The following HSF5 variants were observed in gnomAD, a reference collection of about 807,000 sequenced individuals.
HSF5 encodes the protein heat shock transcription factor 5.
HSF5 carries 5 observed loss-of-function variants against 50.8 expected under a neutral mutation model. That is an observed-to-expected ratio of 0.10 (90% CI 0.05 to 0.21). The LOEUF (loss-of-function observed/expected upper bound fraction) is 0.21. HSF5 is among the 10% of genes least tolerant of loss of function. HSF5 has a pLI of 1.00. For missense variants in HSF5, 564 were observed against 762.6 expected, an observed-to-expected ratio of 0.74 and a Z score of 3.07; for synonymous variants, 307 against 307.4, an observed-to-expected ratio of 1.00 and a Z score of 0.02.
chr17:58,488,304 G>A lies in HSF5; in HGVS notation c.-30C>T. On this transcript the variant is annotated 5_prime_UTR_variant, in exon 1 of 6. Coordinates refer to ENST00000323777, the MANE Select transcript of HSF5 (RefSeq NM_001080439.3). This position sits in a 1 kb window ranked among gnomAD's most constrained non-coding sequence, Gnocchi z 4.1. ...CCGCCGGGCCGGGGCCTCGCCCCCC[G>A]AGCCTAGCTCTCCCACACCGTTCTC... The A allele has an allele frequency of 1.4e-6, 2 of 1,446,994 alleles. No individual in the cohort carries two copies. The highest frequency in any genetic ancestry group is 1.5e-5 in the South Asian group (1 of 68,488). The allele number at this position is 1,446,994 out of a possible 1,614,324, so 89.6% of individuals were successfully genotyped here. A position where few individuals can be genotyped will look rare whatever the true frequency, so the allele number is the denominator to read the frequency against.
In HSF5 at chr17:58,466,953, G is replaced by A; in HGVS notation, c.952C>T (p.His318Tyr). 6.2e-7 allele frequency: 1 copy of A among 1,610,920 alleles called. No homozygotes were observed. The highest frequency in any genetic ancestry group is 8.5e-7 in the Non-Finnish European group (1 of 1,177,226). The change falls in exon 3 of 6, where the codon CAC becomes TAC. Residue 318 changes from histidine (H) to tyrosine (Y), a missense_variant. Physicochemically the swap from His to Tyr is moderately conservative, Grantham distance 83. This residue lies in a region of HSF5 where 441 missense variants were observed against 533.6 expected (regional missense o/e 0.83). Coordinates refer to ENST00000323777, the MANE Select transcript of HSF5 (RefSeq NM_001080439.3). Reference sequence around the variant, plus strand: ...ACACAACTACTTAGAGCATCCATGTGGGTAGGAGAACAGCACTGTAGCACA... The same window carrying A: ...ACACAACTACTTAGAGCATCCATGTAGGTAGGAGAACAGCACTGTAGCACA... ...TAVLQCCSPTHMDALSSCVTP... is the reference protein window; with the variant it reads ...TAVLQCCSPTYMDALSSCVTP...
chr17:58,468,383 G>A (rs1431689590), intron 2 of HSF5, among the ~76,000 whole-genome samples: 1 of 152,112 alleles, frequency 6.6e-6, no homozygotes, highest in Non-Finnish European at 1.5e-5. Context: ...GGGTGACAGA[G>A]TAAGACTCTA....
At chr17:58,442,597 T>C (rs1449312428) in intron 5 of HSF5, among the ~76,000 whole-genome samples, 1 of 152,238 alleles carries the variant, frequency 6.6e-6, no homozygotes, top group African/African-American at 2.4e-5. Flanking sequence ...TAAATGGTCA[T>C]AGTTTTTCTC....
intron 5 of HSF5, among the ~76,000 whole-genome samples, chr17:58,437,588 A>G (rs1004277081): frequency 1.2e-4 from 18 of 152,172 alleles, no homozygotes; most frequent in African/African-American, 4.3e-4. Context: ...TATCAGCTAT[A>G]TCGTATATCT....
intron 1 of HSF5, 35 bp downstream of exon 1, chr17:58,487,690 C>A: frequency 7.3e-7 from 1 of 1,368,418 alleles, no homozygotes; most frequent in Non-Finnish European, 9.4e-7. Context: ...CCCATGTGCC[C>A]ACTGTGGGCG....
chr17:58,460,086 C>T (rs1168337948), intron 4 of HSF5, among the ~76,000 whole-genome samples: 4 of 152,088 alleles, frequency 2.6e-5, no homozygotes, highest in African/African-American at 4.8e-5. Flanking sequence ...GGTGTGATCA[C>T]GGCTCACTAC....
intron 1 of HSF5, 68 bp downstream of exon 1, chr17:58,487,657 C>T: frequency 7.4e-7 from 1 of 1,349,896 alleles, no homozygotes; most frequent in Non-Finnish European, 9.4e-7. Flanking sequence ...AATGCGCCCT[C>T]CAGCGGCGGT....
chr17:58,458,156 T>C (rs1974738455), intron 5 of HSF5, among the ~76,000 whole-genome samples: 1 of 152,234 alleles, frequency 6.6e-6, no homozygotes, highest in South Asian at 2.1e-4. Context: ...TTGGATGATA[T>C]GAGACACATG....
At chr17:58,453,486 C>G (rs1974667341) in intron 5 of HSF5, among the ~76,000 whole-genome samples, 1 of 151,480 alleles carries the variant, frequency 6.6e-6, no homozygotes, top group African/African-American at 2.4e-5. Flanking sequence ...CCCTGCTACT[C>G]AGGAGGCTGA....
intron 2 of HSF5, among the ~76,000 whole-genome samples, chr17:58,470,731 GC>G (rs1432300482): frequency 2.6e-5 from 4 of 152,124 alleles, no homozygotes; most frequent in Admixed American, 2.6e-4. Context: ...TTCGAGACCA[GC>G]CTTACCAACA....
intron 5 of HSF5, among the ~76,000 whole-genome samples, chr17:58,455,008 C>G (rs1974690241): frequency 6.6e-6 from 1 of 152,062 alleles, no homozygotes; most frequent in Non-Finnish European, 1.5e-5. Context: ...CAAAAGACCC[C>G]AGACAGCCAA....
chr17:58,470,729 C>A (rs1345368765), intron 2 of HSF5, among the ~76,000 whole-genome samples: 1 of 152,122 alleles, frequency 6.6e-6, no homozygotes, highest in African/African-American at 2.4e-5. Context: ...AGTTCGAGAC[C>A]AGCCTTACCA....
intron 5 of HSF5, among the ~76,000 whole-genome samples, chr17:58,427,101 A>G (rs1282187132): frequency 2.6e-5 from 4 of 152,080 alleles, no homozygotes; most frequent in Non-Finnish European, 1.5e-5. Flanking sequence ...AAAAATAAAA[A>G]TAAATACAAA....
At chr17:58,449,822 G>A (rs1567910009) in intron 5 of HSF5, among the ~76,000 whole-genome samples, 1 of 151,326 alleles carries the variant, frequency 6.6e-6, no homozygotes, top group Non-Finnish European at 1.5e-5. Flanking sequence ...AGGAGATCGA[G>A]ACCATCCCGG....
rs140237241 is a variant in HSF5 at position 58,434,300 on chromosome 17, G to C, written c.1721-11870C>G. On this transcript the variant is annotated intron_variant, in intron 5 of 5. Transcript: ENST00000323777. ...AACATAAAAGATAAAATGTTAGGCCGGGCGTAGTGGCTCATGCCTATAATC... is the reference window on the plus strand; with the variant it reads ...AACATAAAAGATAAAATGTTAGGCCCGGCGTAGTGGCTCATGCCTATAATC... 5.8e-3 allele frequency among the ~76,000 whole-genome samples: 883 copies of C among 152,146 alleles called. 5 individuals are homozygous for C. Among genetic ancestry groups the C allele is most frequent in the African/African-American group, 9.3e-3 (387 of 41,514 alleles).
chr17:58,432,998 C>CCATTCATTCATTCATT (rs35728420), intron 5 of HSF5, among the ~76,000 whole-genome samples: 1 of 151,260 alleles, frequency 6.6e-6, no homozygotes, highest in African/African-American at 2.4e-5. Context: ...ACTAGAAGTA[C>CCATTCATTCATTCATT]CATTCATTCA....
At chr17:58,425,962 G>C (rs189961112) in intron 5 of HSF5, among the ~76,000 whole-genome samples, 80 of 152,228 alleles carry the variant, frequency 5.3e-4, no homozygotes, top group Non-Finnish European at 7.5e-4. Flanking sequence ...CAGGATTTTT[G>C]AAAGCTGACC....
At chr17:58,469,246 G>A (rs757652232) in intron 2 of HSF5, among the ~76,000 whole-genome samples, 1 of 151,972 alleles carries the variant, frequency 6.6e-6, no homozygotes, top group Non-Finnish European at 1.5e-5. Context: ...ATCAATAAAA[G>A]GATTAGCTTT....
At position 58,459,038 on chromosome 17, in the gene HSF5, A is replaced by G. The variant is rs1364835003; in HGVS notation, c.1543-93T>C. ...ATCAGAGGAGTTCTATTATGGGAAC[A>G]TGATCCAACAAACAAGCTTATAAGG... On this transcript the variant is annotated intron_variant, in intron 4 of 5. Coordinates refer to ENST00000323777, the MANE Select transcript of HSF5 (RefSeq NM_001080439.3). 30 of 1,093,126 alleles carry G rather than the reference A, an allele frequency of 2.7e-5. No homozygotes were observed. In the East Asian group the frequency reaches 5.2e-4, roughly 19 times the overall value. The allele number at this position is 1,093,126 out of a possible 1,614,324, so 67.7% of individuals were successfully genotyped here. A position where few individuals can be genotyped will look rare whatever the true frequency, so the allele number is the denominator to read the frequency against.
Sources: gnomAD v4.1 joint callset for allele counts (sites outside exome capture counted in the v4.1 genomes callset) on GRCh38, gnomAD v4.1.1 for gene constraint, gnomAD v4.1.1 regional missense constraint, Gnocchi (gnomAD v3.1) non-coding constraint, MANE v1.5 for transcripts, NCBI Gene and HGNC (gene_info 2026-07-23, HGNC 2026-07-21) for gene names.